Variants in TTC7B observed in about 807,000 individuals in gnomAD.
The protein encoded by TTC7B is tetratricopeptide repeat domain 7B.
TTC7B carries 28 observed loss-of-function variants against 106.8 expected under a neutral mutation model. The ratio of observed to expected loss-of-function variants is 0.26; its 90% CI spans 0.19 to 0.36. TTC7B has a LOEUF of 0.36. Ranked by LOEUF, TTC7B falls within the 10% of genes least tolerant of loss-of-function variation. The pLI is 1.00. For missense variants in TTC7B, 862 were observed against 1,076.4 expected (o/e 0.80, Z 2.79); for synonymous variants, 405 against 430.6 (o/e 0.94, Z 0.74).
At chr14:90,754,229 G>A (rs1890217207) in intron 3 of TTC7B, among the ~76,000 whole-genome samples, 2 of 152,154 alleles carry the variant, frequency 1.3e-5, no homozygotes, top group African/African-American at 4.8e-5. Context: ...GGCAGAGCTA[G>A]GATTCCAACC....
At chr14:90,551,400 G>C (rs1890074401) in intron 19 of TTC7B, among the ~76,000 whole-genome samples, 1 of 152,164 alleles carries the variant, frequency 6.6e-6, no homozygotes, top group African/African-American at 2.4e-5. Flanking sequence ...GCCTCTAAGA[G>C]TGGGTTCCCT....
In TTC7B at chr14:90,579,697, G is replaced by T. The variant is rs185483349; in HGVS notation, c.2108-1389C>A. On this transcript the variant is annotated intron_variant, in intron 18 of 19. Transcript: ENST00000328459. ...ACCTGTAATCCCAACTACTAGGGAG[G>T]CTGAGGCAAGAGAATCACTTGAACC... Among the ~76,000 whole-genome samples the T allele has an allele frequency of 2.6e-5, 4 of 152,306 alleles. No homozygotes were observed. The East Asian group carries it at 7.7e-4, about 29-fold the overall frequency.
chr14:90,594,036 G>A (rs866443563), intron 17 of TTC7B: 2 of 155,378 alleles, frequency 1.3e-5, no homozygotes, highest in Non-Finnish European at 2.8e-5. Context: ...GCCTCCTGGG[G>A]TAGCATTTGG....
chr14:90,730,620 G>A (rs1889289667), intron 4 of TTC7B, among the ~76,000 whole-genome samples: 2 of 152,190 alleles, frequency 1.3e-5, no homozygotes, highest in African/African-American at 2.4e-5. Context: ...AGCCCTGCAT[G>A]AGCTTGATGA....
rs945829047 is a variant in TTC7B, at chr14:90,575,269, G to A, written c.2310+2837C>T. ...ATCTGTCTGCATGTTGTATTGGCGC[G>A]GTTATCCTCATTTATATAGCTGAGG... On this transcript the variant is annotated intron_variant, in intron 19 of 19. Transcript: ENST00000328459. This position sits in a 1 kb window ranked among gnomAD's most constrained non-coding sequence, Gnocchi z 5.2. 2.6e-5 allele frequency among the ~76,000 whole-genome samples: 4 copies of A among 152,210 alleles called. No homozygotes were observed. Among genetic ancestry groups the A allele is most frequent in the Admixed American group, 6.5e-5 (1 of 15,288 alleles).
intron 5 of TTC7B, among the ~76,000 whole-genome samples, chr14:90,716,962 A>G (rs763804493): frequency 6.6e-6 from 1 of 152,200 alleles, no homozygotes; most frequent in Non-Finnish European, 1.5e-5. Context: ...GACCTGGAGA[A>G]CCATCACCAG....
chr14:90,788,679 T>C (rs1393142701), intron 1 of TTC7B, among the ~76,000 whole-genome samples: 1 of 152,070 alleles, frequency 6.6e-6, no homozygotes, highest in East Asian at 1.9e-4. Flanking sequence ...CAAAAATTCC[T>C]TTAGGCAGGG....
At position 90,525,372 on chromosome 14, in the gene TTC7B, G is replaced by T. The variant is rs1366887125; in HGVS notation, c.*15996C>A. The T allele has an allele frequency of 6.6e-6, 1 of 152,246 alleles. No individual in the cohort carries two copies. Among genetic ancestry groups the T allele is most frequent in the Non-Finnish European group, 1.5e-5 (1 of 68,038 alleles). 9.4% of individuals were successfully genotyped at this position (152,246 alleles called of 1,614,324 possible). A position where few individuals can be genotyped will look rare whatever the true frequency, so the allele number is the denominator to read the frequency against. On this transcript the variant is annotated 3_prime_UTR_variant, in exon 20 of 20. Coordinates refer to ENST00000328459, the MANE Select transcript of TTC7B (RefSeq NM_001010854.2). ...GTTTTTGGCTATTACAAATAAAGCT[G>T]CTATAAACATTTGCGGAGAAGTCTT...
chr14:90,689,515 C>T (rs1439718513), intron 7 of TTC7B, 25 bp downstream of exon 7: 1 of 1,604,850 alleles, frequency 6.2e-7, no homozygotes, highest in African/African-American at 1.3e-5. Context: ...CCATAACCTA[C>T]AAGTGAGGAC....
rs1886272877 is a variant in TTC7B, at chr14:90,663,127, A to AC, written c.1153-4741dup. ...TTTACAAGCATCGCCTCATCGGGTG[A>AC]CCCTAAGGACCCTGCAAAGTACAAG... On this transcript the variant is annotated intron_variant, in intron 9 of 19. Transcript: ENST00000328459. The surrounding 1 kb of genome is among the most constrained non-coding windows in gnomAD (Gnocchi z 4.5). Among the ~76,000 whole-genome samples the AC allele has an allele frequency of 6.6e-6, 1 of 152,126 alleles. No homozygotes were observed. The highest frequency in any genetic ancestry group is 1.5e-5 in the Non-Finnish European group (1 of 68,018).
intron 18 of TTC7B, among the ~76,000 whole-genome samples, chr14:90,581,468 C>T (rs887975280): frequency 6.6e-6 from 1 of 152,240 alleles, no homozygotes; most frequent in African/African-American, 2.4e-5. Context: ...AACGCCCTCA[C>T]CAAAGAGTCA....
At chr14:90,767,141 C>A (rs901525683) in intron 3 of TTC7B, among the ~76,000 whole-genome samples, 14 of 151,940 alleles carry the variant, frequency 9.2e-5, no homozygotes, top group African/African-American at 2.4e-4. Context: ...ATCGCTTGAG[C>A]CCAGGAGCTC....
At position 90,624,357 on chromosome 14, in the gene TTC7B, C is replaced by T. The variant is rs74081244; in HGVS notation, c.1752-6312G>A. On this transcript the variant is annotated intron_variant, in intron 15 of 19. Transcript: ENST00000328459. The surrounding 1 kb of genome is among the most constrained non-coding windows in gnomAD (Gnocchi z 4.0). The stretch of plus-strand genomic sequence containing the variant: ...CTGCCCCTGGGGAAGCTCTGGGGCA[C>T]GCGGCATTGTGACTGTCCAGTGTTC... Among the ~76,000 whole-genome samples the T allele has an allele frequency of 0.012, 1,895 of 152,236 alleles. 41 individuals carry two copies. Among genetic ancestry groups the T allele is most frequent in the African/African-American group, 0.044 (1,831 of 41,530 alleles).
chr14:90,630,521 T>C (rs1213521777), intron 15 of TTC7B, among the ~76,000 whole-genome samples: 1 of 152,252 alleles, frequency 6.6e-6, no homozygotes, highest in East Asian at 1.9e-4. Context: ...ATGAGCTATT[T>C]TTAAGCGTAC....
intron 19 of TTC7B, among the ~76,000 whole-genome samples, chr14:90,542,858 C>T (rs1301064932): frequency 6.6e-6 from 1 of 152,148 alleles, no homozygotes; most frequent in Admixed American, 6.5e-5. Context: ...GCAAATCTCC[C>T]CAAACTAGGG....
intron 8 of TTC7B, among the ~76,000 whole-genome samples, chr14:90,677,601 T>C (rs1458949443): frequency 1.3e-5 from 2 of 152,172 alleles, no homozygotes; most frequent in Admixed American, 6.5e-5. Flanking sequence ...AGTCTGCAGA[T>C]CCATCTGTCT....
intron 3 of TTC7B, among the ~76,000 whole-genome samples, chr14:90,766,135 G>GGT (rs1555397459): frequency 7.0e-6 from 1 of 143,448 alleles, no homozygotes; most frequent in Non-Finnish European, 1.5e-5. Context: ...AGCCTACAAC[G>GGT]TTTTTTTTTT....
intron 16 of TTC7B, among the ~76,000 whole-genome samples, chr14:90,613,341 T>C (rs967318663): frequency 1.3e-5 from 2 of 151,924 alleles, no homozygotes; most frequent in African/African-American, 4.8e-5. Flanking sequence ...TGTAGTGAGC[T>C]ATGATCATGC....
At chr14:90,609,334 C>A (rs954664033) in intron 17 of TTC7B, among the ~76,000 whole-genome samples, 5 of 152,218 alleles carry the variant, frequency 3.3e-5, no homozygotes, top group African/African-American at 4.8e-5. Context: ...GCCCAAAAAT[C>A]TTTTTACCCA....
Sources: gnomAD v4.1 joint callset for allele counts (sites outside exome capture counted in the v4.1 genomes callset) on GRCh38, gnomAD v4.1.1 for gene constraint, Gnocchi (gnomAD v3.1) non-coding constraint, MANE v1.5 for transcripts, NCBI Gene and HGNC (gene_info 2026-07-23, HGNC 2026-07-21) for gene names.